Variants in RIMBP2 observed in about 807,000 individuals in gnomAD.
RIMBP2 encodes RIMS-binding protein 2.
In RIMBP2, 48 loss-of-function variants were observed where a neutral mutation model predicts 118.6. The observed-to-expected ratio is 0.40, with a 90% CI of 0.32 to 0.51. The LOEUF (loss-of-function observed/expected upper bound fraction) is 0.51, where lower values mean the gene tolerates loss of function less well. Ranked by LOEUF, RIMBP2 falls within the 20% of genes least tolerant of loss-of-function variation. RIMBP2 has a pLI of 0.41. For synonymous variants in RIMBP2, 762 were observed against 742.9 expected, an observed-to-expected ratio of 1.03 and a Z score of -0.42; for missense variants, 1,551 against 1,768.3, an observed-to-expected ratio of 0.88 and a Z score of 2.20.
intron 1 of RIMBP2, among the ~76,000 whole-genome samples, chr12:130,654,012 A>G (rs979156966): frequency 1.3e-5 from 2 of 152,136 alleles, no homozygotes; most frequent in African/African-American, 4.8e-5. Flanking sequence ...TCTGAAATGC[A>G]TTTGAGGCCT....
intron 2 of RIMBP2, among the ~76,000 whole-genome samples, chr12:130,627,038 C>T (rs1404889886): frequency 6.6e-6 from 1 of 152,108 alleles, no homozygotes; most frequent in Non-Finnish European, 1.5e-5. Context: ...ATCACAACTA[C>T]CACCAGCATC....
intron 2 of RIMBP2, among the ~76,000 whole-genome samples, chr12:130,610,592 G>C (rs370409678): frequency 9.1e-6 from 1 of 110,018 alleles, no homozygotes; most frequent in African/African-American, 3.5e-5. Flanking sequence ...ACGGAGTCTC[G>C]CTCTGTCGCC....
At chr12:130,399,353 T>C (rs2074306737) in intron 22 of RIMBP2, among the ~76,000 whole-genome samples, 2 of 152,200 alleles carry the variant, frequency 1.3e-5, no homozygotes, top group South Asian at 4.1e-4. Flanking sequence ...ATAACCTCCA[T>C]TGCCCACCAA....
In RIMBP2 at chr12:130,703,500, T is replaced by C. The variant is rs2065956883; in HGVS notation, c.-352+12722A>G. Among the ~76,000 whole-genome samples the C allele has an allele frequency of 6.6e-6, 1 of 152,070 alleles. No individual in the cohort carries two copies. Among genetic ancestry groups the C allele is most frequent in the South Asian group, 2.1e-4 (1 of 4,822 alleles). Reference sequence around the variant, plus strand: ...CCACCCGCCTGCCCTCCCCAATCCCTCACCCACTGCTGCGACCACCCGGTG... The same window carrying C: ...CCACCCGCCTGCCCTCCCCAATCCCCCACCCACTGCTGCGACCACCCGGTG... On this transcript the variant is annotated intron_variant, in intron 1 of 22. Transcript: ENST00000690449. This position sits in a 1 kb window ranked among gnomAD's most constrained non-coding sequence, Gnocchi z 5.7.
Position 130,517,828 on chromosome 12 carries a change from C to G in RIMBP2, c.-127G>C, listed in dbSNP as rs1399694624. ...GTCTGTGGACAGTGGTATCAGCTACCTTGTCATGCTGCCGGGCCCTTGTGG... is the reference window on the plus strand; with the variant it reads ...GTCTGTGGACAGTGGTATCAGCTACGTTGTCATGCTGCCGGGCCCTTGTGG... On this transcript the variant is annotated splice_region_variant and 5_prime_UTR_variant, in exon 3 of 23. Coordinates refer to ENST00000690449, the MANE Select transcript of RIMBP2 (RefSeq NM_001393629.1). The G allele has an allele frequency of 1.0e-6, 1 of 984,844 alleles. No homozygotes were observed. 61.0% of individuals were successfully genotyped at this position (984,844 alleles called of 1,614,324 possible). A position where few individuals can be genotyped will look rare whatever the true frequency, so the allele number is the denominator to read the frequency against.
chr12:130,574,016 C>G (rs542572759), intron 2 of RIMBP2, among the ~76,000 whole-genome samples: 1 of 152,244 alleles, frequency 6.6e-6, no homozygotes, highest in East Asian at 1.9e-4. Flanking sequence ...CTGGGTCTGT[C>G]TCCTAGAGTG....
chr12:130,638,332 T>G (rs772102177), intron 1 of RIMBP2, among the ~76,000 whole-genome samples: 2 of 152,202 alleles, frequency 1.3e-5, no homozygotes, highest in Admixed American at 6.5e-5. Context: ...CAAAGAGATA[T>G]AGAGGAGCCT....
intron 2 of RIMBP2, among the ~76,000 whole-genome samples, chr12:130,548,081 C>G (rs73156908): frequency 0.12 from 18,767 of 152,186 alleles, 1,481 homozygotes; most frequent in Non-Finnish European, 0.19. Context: ...CAAAGACCAT[C>G]AAAGACCAAA....
chr12:130,548,881 C>T (rs2055443968), intron 2 of RIMBP2, among the ~76,000 whole-genome samples: 1 of 152,060 alleles, frequency 6.6e-6, no homozygotes, highest in African/African-American at 2.4e-5. Flanking sequence ...GCCGCCGTGC[C>T]CAGCCTACCT....
chr12:130,404,559 G>C (rs965439034), intron 21 of RIMBP2, among the ~76,000 whole-genome samples: 1 of 152,130 alleles, frequency 6.6e-6, no homozygotes, highest in Non-Finnish European at 1.5e-5. Flanking sequence ...CTCAGCCTCC[G>C]CATGAGTCAC....
At chr12:130,691,716 T>TG (rs2065315450) in intron 1 of RIMBP2, among the ~76,000 whole-genome samples, 1 of 152,080 alleles carries the variant, frequency 6.6e-6, no homozygotes. Flanking sequence ...ACCCAGCTCT[T>TG]GGGGGAGAAA....
chr12:130,404,879 A>T (rs1008780476), intron 21 of RIMBP2, among the ~76,000 whole-genome samples: 1 of 152,216 alleles, frequency 6.6e-6, no homozygotes, highest in African/African-American at 2.4e-5. Flanking sequence ...TAAAGTCCAT[A>T]AATACTCTAA....
At chr12:130,513,227 T>C (rs2051102394) in intron 3 of RIMBP2, among the ~76,000 whole-genome samples, 1 of 152,122 alleles carries the variant, frequency 6.6e-6, no homozygotes, top group African/African-American at 2.4e-5. Context: ...GTTTGAGTGA[T>C]TCTCCAAGAC....
intron 2 of RIMBP2, among the ~76,000 whole-genome samples, chr12:130,548,978 G>T (rs1305287950): frequency 1.3e-5 from 2 of 152,278 alleles, no homozygotes; most frequent in South Asian, 2.1e-4. Flanking sequence ...AAGGATTTTT[G>T]TGAAACTGAC....
rs2076320654 is a variant in RIMBP2 at position 130,420,071 on chromosome 12, T to C, written c.3238+2382A>G. On this transcript the variant is annotated intron_variant, in intron 17 of 22. Coordinates refer to ENST00000690449, the MANE Select transcript of RIMBP2 (RefSeq NM_001393629.1). This position sits in a 1 kb window ranked among gnomAD's most constrained non-coding sequence, Gnocchi z 4.3. The stretch of plus-strand genomic sequence containing the variant: ...TTTGAAATATAGATTTCTAAAATAT[T>C]GTTTTCTAGTATTTTCACAAGAAAA... Among the ~76,000 whole-genome samples, 2 of 152,222 alleles carry C rather than the reference T, an allele frequency of 1.3e-5. No individual in the cohort carries two copies. The highest frequency in any genetic ancestry group is 2.4e-5 in the African/African-American group (1 of 41,462).
At chr12:130,497,697 A>G (rs2049320108) in intron 4 of RIMBP2, among the ~76,000 whole-genome samples, 1 of 152,142 alleles carries the variant, frequency 6.6e-6, no homozygotes, top group Non-Finnish European at 1.5e-5. Flanking sequence ...TGCAGTGAGT[A>G]AAAAAGCCCA....
rs1452514073 is a variant in RIMBP2 at position 130,470,732 on chromosome 12, C to G, written c.114G>C (p.Glu38Asp). 3 of 1,231,946 alleles carry G rather than the reference C, an allele frequency of 2.4e-6. No individual in the cohort carries two copies. Among genetic ancestry groups the G allele is most frequent in the East Asian group, 6.3e-5 (2 of 31,700 alleles). 76.3% of individuals were successfully genotyped at this position (1,231,946 alleles called of 1,614,324 possible). A position where few individuals can be genotyped will look rare whatever the true frequency, so the allele number is the denominator to read the frequency against. The part of the protein sequence containing the change: ...EIDLLQKAQV[E>D]AKKEHEGAVR... ...CTGCGCCTTCATGCTCCTTCTTAGC[C>G]TCAACCTGAGCCTTTTTTATGATGA... The change falls in exon 6 of 23, where the codon GAG (glutamate) becomes GAC (aspartate). Residue 38 changes from glutamate (E) to aspartate (D), a missense_variant. Glu to Asp is a conservative substitution (Grantham distance 45). Coordinates refer to ENST00000690449, the MANE Select transcript of RIMBP2 (RefSeq NM_001393629.1).
At chr12:130,554,153 T>C (rs2056112256) in intron 2 of RIMBP2, among the ~76,000 whole-genome samples, 1 of 152,208 alleles carries the variant, frequency 6.6e-6, no homozygotes, top group South Asian at 2.1e-4. Context: ...ATAGGGACTC[T>C]GGGAGCAGGT....
At chr12:130,481,665 G>A (rs900920926) in intron 4 of RIMBP2, among the ~76,000 whole-genome samples, 3 of 152,188 alleles carry the variant, frequency 2.0e-5, no homozygotes, top group Non-Finnish European at 2.9e-5. Flanking sequence ...CACGGGTGTC[G>A]CGGTCAGTGG....
Sources: gnomAD v4.1 joint callset for allele counts (sites outside exome capture counted in the v4.1 genomes callset) on GRCh38, gnomAD v4.1.1 for gene constraint, Gnocchi (gnomAD v3.1) non-coding constraint, MANE v1.5 for transcripts, NCBI Gene and HGNC (gene_info 2026-07-23, HGNC 2026-07-21) for gene names.